Variants in TAFA5 observed in about 807,000 individuals in gnomAD.
TAFA5 encodes the protein TAFA chemokine like family member 5, also known as chemokine-like protein TAFA-5.
TAFA5 carries 6 observed loss-of-function variants against 15.3 expected under a neutral mutation model. The ratio of observed to expected loss-of-function variants is 0.39; its 90% CI spans 0.21 to 0.77. The LOEUF (loss-of-function observed/expected upper bound fraction) is 0.77, where lower values mean the gene tolerates loss of function less well. TAFA5 is among the 30% of genes least tolerant of loss of function. The pLI is 0.41. For missense variants in TAFA5, 161 were observed against 193.1 expected, an observed-to-expected ratio of 0.83 and a Z score of 0.98; for synonymous variants, 103 against 80.7, an observed-to-expected ratio of 1.28 and a Z score of -1.48.
intron 2 of TAFA5, among the ~76,000 whole-genome samples, chr22:48,698,960 G>GTA (rs1928816684): frequency 7.2e-6 from 1 of 139,180 alleles, no homozygotes; most frequent in Non-Finnish European, 1.5e-5. Context: ...TTTTTTTGGC[G>GTA]CGACCAAGGC....
At chr22:48,604,782 G>A (rs946686069) in intron 1 of TAFA5, among the ~76,000 whole-genome samples, 1 of 152,154 alleles carries the variant, frequency 6.6e-6, no homozygotes, top group African/African-American at 2.4e-5. Flanking sequence ...AGGGGCCCAG[G>A]GCAGGCTGGG....
chr22:48,581,225 A>G (rs1391190098), intron 1 of TAFA5, among the ~76,000 whole-genome samples: 1 of 152,216 alleles, frequency 6.6e-6, no homozygotes, highest in Non-Finnish European at 1.5e-5. Context: ...TTCCAGACAC[A>G]AGGTGGCTCA....
intron 3 of TAFA5, among the ~76,000 whole-genome samples, chr22:48,718,684 C>T (rs751348455): frequency 4.6e-5 from 7 of 152,196 alleles, no homozygotes; most frequent in Admixed American, 6.5e-5. Flanking sequence ...CCCCCGGCCC[C>T]GTGAGGTCAA....
intron 1 of TAFA5, among the ~76,000 whole-genome samples, chr22:48,622,149 C>A (rs959697106): frequency 3.3e-5 from 5 of 152,170 alleles, no homozygotes; most frequent in African/African-American, 7.2e-5. Flanking sequence ...TGCATGAGAA[C>A]CCAGGGGTAC....
chr22:48,587,752 G>A lies in TAFA5; in HGVS notation c.113-58845G>A, dbSNP rs75753996. 3.9e-5 allele frequency among the ~76,000 whole-genome samples: 6 copies of A among 152,372 alleles called. No homozygotes were observed. In the East Asian group the frequency reaches 1.2e-3, roughly 29 times the overall value. ...CACACACCCTTCCAGCCACCCGCGT[G>A]AGCATGCTCCAAACACGGCCTTCTG... On this transcript the variant is annotated intron_variant, in intron 1 of 3. Coordinates refer to ENST00000402357, the MANE Select transcript of TAFA5 (RefSeq NM_001082967.3).
intron 3 of TAFA5, among the ~76,000 whole-genome samples, chr22:48,744,506 C>T (rs1055421934): frequency 3.3e-5 from 5 of 152,142 alleles, no homozygotes; most frequent in African/African-American, 2.4e-5. Context: ...GGAGCCGGGT[C>T]CCAGTCAAGT....
At chr22:48,729,063 A>G (rs1429425713) in intron 3 of TAFA5, among the ~76,000 whole-genome samples, 1 of 151,990 alleles carries the variant, frequency 6.6e-6, no homozygotes, top group Admixed American at 6.6e-5. Flanking sequence ...TCTAGGGGAA[A>G]AACTACCATA....
intron 1 of TAFA5, among the ~76,000 whole-genome samples, chr22:48,583,718 CCACACACAAAA>C (rs2147149639): frequency 5.9e-5 from 9 of 152,170 alleles, no homozygotes; most frequent in East Asian, 1.9e-4. Context: ...CCCACACACA[CCACACACAAAA>C]TGTGCCACAC....
At chr22:48,641,696 G>A (rs914218129) in intron 1 of TAFA5, among the ~76,000 whole-genome samples, 2 of 149,986 alleles carry the variant, frequency 1.3e-5, no homozygotes, top group Non-Finnish European at 3.0e-5. Flanking sequence ...ACACGGCCTC[G>A]CTAACTGGGA....
intron 3 of TAFA5, among the ~76,000 whole-genome samples, chr22:48,726,986 C>T (rs561803208): frequency 2.8e-4 from 42 of 152,222 alleles, no homozygotes; most frequent in African/African-American, 3.6e-4. Context: ...GTGTATCTTC[C>T]GTACGGGGTC....
Position 48,751,480 on chromosome 22 carries a change from T to G in TAFA5, c.*1633T>G, listed in dbSNP as rs1200204138. 1 of 152,394 alleles carries G rather than the reference T, an allele frequency of 6.6e-6. No homozygotes were observed. The highest frequency in any genetic ancestry group is 2.4e-5 in the African/African-American group (1 of 41,454). The allele number at this position is 152,394 out of a possible 1,614,324, so 9.4% of individuals were successfully genotyped here. ...TAACATGAGTATTATGCTAGTTCTA[T>G]CCTACTAAAAAAAACGTAAAAAAAT... is the stretch of plus-strand genomic sequence containing the variant. On this transcript the variant is annotated 3_prime_UTR_variant, in exon 4 of 4. Transcript: ENST00000402357.
chr22:48,694,944 G>T (rs1410949568), intron 2 of TAFA5, among the ~76,000 whole-genome samples: 1 of 151,382 alleles, frequency 6.6e-6, no homozygotes, highest in Non-Finnish European at 1.5e-5. Context: ...CTCCCATCGG[G>T]CAGAAACGGG....
chr22:48,677,993 C>T (rs561319494), intron 2 of TAFA5, among the ~76,000 whole-genome samples: 1 of 152,250 alleles, frequency 6.6e-6, no homozygotes, highest in East Asian at 1.9e-4. Context: ...CCCAGAGCTC[C>T]CCATTCCTGC....
intron 1 of TAFA5, among the ~76,000 whole-genome samples, chr22:48,586,943 G>T (rs1047674294): frequency 6.6e-6 from 1 of 152,230 alleles, no homozygotes; most frequent in Non-Finnish European, 1.5e-5. Flanking sequence ...CAGCCAAAAG[G>T]CACCCTCCGG....
At position 48,510,615 on chromosome 22, in the gene TAFA5, G is replaced by A. The variant is rs541915888; in HGVS notation, c.112+20911G>A. The stretch of plus-strand genomic sequence containing the variant: ...TTGTAGGGCAATGCTGTATTCTGGG[G>A]TGGGGGAACCTGGCTGTGTCATTGA... On this transcript the variant is annotated intron_variant, in intron 1 of 3. Transcript: ENST00000402357. 6.2e-4 allele frequency among the ~76,000 whole-genome samples: 95 copies of A among 152,366 alleles called. No homozygotes were observed. In the Middle Eastern group the frequency reaches 0.01, roughly 16 times the overall value.
intron 2 of TAFA5, among the ~76,000 whole-genome samples, chr22:48,682,559 G>A (rs1267046315): frequency 2.6e-5 from 4 of 152,228 alleles, no homozygotes; most frequent in African/African-American, 9.6e-5. Context: ...CCACAAGTTG[G>A]TGAAAGCAGA....
chr22:48,591,888 C>G (rs563838214), intron 1 of TAFA5, among the ~76,000 whole-genome samples: 2 of 152,164 alleles, frequency 1.3e-5, no homozygotes, highest in African/African-American at 4.8e-5. Context: ...GCATCCCGGG[C>G]GCCTGGGCCC....
chr22:48,671,124 G>T (rs1927790168), intron 2 of TAFA5, among the ~76,000 whole-genome samples: 1 of 152,182 alleles, frequency 6.6e-6, no homozygotes, highest in Non-Finnish European at 1.5e-5. Flanking sequence ...TGGATGTTCA[G>T]GTTGCACAGA....
chr22:48,631,705 G>A (rs961837866), intron 1 of TAFA5, among the ~76,000 whole-genome samples: 6 of 152,198 alleles, frequency 3.9e-5, no homozygotes, highest in Non-Finnish European at 8.8e-5. Context: ...CCACAGCTTC[G>A]TGGCTGGATC....
Sources: gnomAD v4.1 joint callset for allele counts (sites outside exome capture counted in the v4.1 genomes callset) on GRCh38, gnomAD v4.1.1 for gene constraint, MANE v1.5 for transcripts, NCBI Gene and HGNC (gene_info 2026-07-23, HGNC 2026-07-21) for gene names.